Variants in THSD7A observed in about 807,000 individuals in gnomAD.
The protein encoded by THSD7A is thrombospondin type-1 domain-containing protein 7A.
In THSD7A, 96 loss-of-function variants were observed where a neutral mutation model predicts 231.3. The ratio of observed to expected loss-of-function variants is 0.41; its 90% CI spans 0.35 to 0.49. The LOEUF (loss-of-function observed/expected upper bound fraction) is 0.49. THSD7A is among the 20% of genes least tolerant of loss of function. The pLI, the probability that THSD7A is intolerant of heterozygous loss-of-function variation, is 0.05. For synonymous variants in THSD7A, 940 were observed against 743.3 expected (o/e 1.26, Z -4.30); for missense variants, 2,290 against 2,070.2 (o/e 1.11, Z -2.06).
chr7:11,397,633 G>A (rs1278478332), intron 23 of THSD7A, among the ~76,000 whole-genome samples: 5 of 152,152 alleles, frequency 3.3e-5, no homozygotes, highest in Non-Finnish European at 7.3e-5. Context: ...TGCTGATTGG[G>A]AGAAAAATTT....
At chr7:11,548,426 T>C (rs950255203) in intron 4 of THSD7A, among the ~76,000 whole-genome samples, 9 of 152,018 alleles carry the variant, frequency 5.9e-5, no homozygotes, top group South Asian at 2.1e-4. Context: ...AATTCTACCA[T>C]ATATATATAA....
rs1784615536 is a variant in THSD7A at position 11,814,246 on chromosome 7, T to G, written c.190+17511A>C. Among the ~76,000 whole-genome samples the G allele has an allele frequency of 6.6e-6, 1 of 152,170 alleles. No individual in the cohort carries two copies. Among genetic ancestry groups the G allele is most frequent in the African/African-American group, 2.4e-5 (1 of 41,460 alleles). ...GGATATGCTAAAAGCCATTGAATTGTATGCTTTAAATGGGTGATTGCATGC... is the reference window on the plus strand; with the variant it reads ...GGATATGCTAAAAGCCATTGAATTGGATGCTTTAAATGGGTGATTGCATGC... On this transcript the variant is annotated intron_variant, in intron 1 of 27. Transcript: ENST00000423059. The surrounding 1 kb of genome is among the most constrained non-coding windows in gnomAD (Gnocchi z 5.1).
intron 1 of THSD7A, among the ~76,000 whole-genome samples, chr7:11,770,267 T>G (rs750560069): frequency 6.6e-6 from 1 of 152,118 alleles, no homozygotes; most frequent in African/African-American, 2.4e-5. Context: ...TAAATAATGT[T>G]GCACTCAGAA....
chr7:11,490,104 G>A (rs1382161070), intron 6 of THSD7A, among the ~76,000 whole-genome samples: 1 of 151,840 alleles, frequency 6.6e-6, no homozygotes, highest in African/African-American at 2.4e-5. Flanking sequence ...TTTCCTTCAT[G>A]ACCCTAGCAA....
At chr7:11,471,541 A>G (rs78871475) in intron 8 of THSD7A, among the ~76,000 whole-genome samples, 4,363 of 152,060 alleles carry the variant, frequency 0.029, 129 homozygotes, top group East Asian at 0.16. Context: ...GCTTTATTCA[A>G]TTATATAGAT....
chr7:11,706,651 T>TTTTTTTTTTTTTTTTTTTTTG (rs1780779110), intron 1 of THSD7A, among the ~76,000 whole-genome samples: 1 of 146,140 alleles, frequency 6.8e-6, no homozygotes, highest in Non-Finnish European at 1.5e-5. Context: ...TTTTTTTTTT[T>TTTTTTTTTTTTTTTTTTTTTG]TTTTAGAAAT....
chr7:11,665,731 A>T (rs1481302656), intron 1 of THSD7A, among the ~76,000 whole-genome samples: 1 of 152,144 alleles, frequency 6.6e-6, no homozygotes, highest in Non-Finnish European at 1.5e-5. Flanking sequence ...TTTTAGCTGC[A>T]AAAACAGATC....
At chr7:11,704,634 T>C (rs1435652999) in intron 1 of THSD7A, among the ~76,000 whole-genome samples, 1 of 150,956 alleles carries the variant, frequency 6.6e-6, no homozygotes, top group East Asian at 2.0e-4. Flanking sequence ...TTTCTATTGA[T>C]CTTATTCATC....
chr7:11,732,404 G>A (rs1280929711), intron 1 of THSD7A, among the ~76,000 whole-genome samples: 2 of 151,882 alleles, frequency 1.3e-5, no homozygotes, highest in Non-Finnish European at 2.9e-5. Context: ...ATAGTGCAAA[G>A]TGAGTGAAAT....
In THSD7A at chr7:11,429,132, AG is replaced by A; in HGVS notation, c.3065-8del. On this transcript the variant is annotated splice_polypyrimidine_tract_variant and splice_region_variant and intron_variant, in intron 13 of 27. Transcript: ENST00000423059. The stretch of plus-strand genomic sequence containing the variant: ...CAGGCCTCCTCAATGTAACCTGAGT[AG>A]AGGAAAATGAGACAAGAATCATCTC... 6.4e-7 allele frequency: 1 copy of A among 1,557,916 alleles called. No individual in the cohort carries two copies. Among genetic ancestry groups the A allele is most frequent in the South Asian group, 1.2e-5 (1 of 82,092 alleles).
chr7:11,803,951 C>T (rs1784340142), intron 1 of THSD7A, among the ~76,000 whole-genome samples: 1 of 151,952 alleles, frequency 6.6e-6, no homozygotes, highest in Admixed American at 6.6e-5. Flanking sequence ...TAGTTATGTA[C>T]TGAAAGATGA....
intron 4 of THSD7A, among the ~76,000 whole-genome samples, chr7:11,557,043 T>C (rs1164067601): frequency 2.1e-5 from 3 of 146,152 alleles, no homozygotes; most frequent in Non-Finnish European, 4.4e-5. Flanking sequence ...TCTGAATACA[T>C]TTTTTTTCTT....
At chr7:11,777,290 G>C (rs1783439205) in intron 1 of THSD7A, among the ~76,000 whole-genome samples, 1 of 151,968 alleles carries the variant, frequency 6.6e-6, no homozygotes, top group South Asian at 2.1e-4. Flanking sequence ...TCAATAAAGA[G>C]ATAATGCTCA....
At chr7:11,665,242 G>A (rs1206674531) in intron 1 of THSD7A, among the ~76,000 whole-genome samples, 2 of 152,050 alleles carry the variant, frequency 1.3e-5, no homozygotes. Flanking sequence ...ATTATGCTAT[G>A]ACGCCAAAGG....
intron 2 of THSD7A, among the ~76,000 whole-genome samples, chr7:11,602,317 T>C (rs1178021220): frequency 6.6e-6 from 1 of 152,134 alleles, no homozygotes; most frequent in African/African-American, 2.4e-5. Context: ...TGTATGTGTA[T>C]ATATGTAGTT....
chr7:11,399,921 T>A (rs908449695), intron 23 of THSD7A, among the ~76,000 whole-genome samples: 3 of 152,006 alleles, frequency 2.0e-5, no homozygotes, highest in African/African-American at 7.2e-5. Context: ...CAAATGTCCA[T>A]CAATGATAGA....
intron 13 of THSD7A, among the ~76,000 whole-genome samples, chr7:11,441,955 C>A (rs1784819831): frequency 6.6e-6 from 1 of 151,928 alleles, no homozygotes; most frequent in Non-Finnish European, 1.5e-5. Flanking sequence ...AGGTTCTGCA[C>A]ATGTTTCCCA....
intron 1 of THSD7A, among the ~76,000 whole-genome samples, chr7:11,748,195 T>G (rs1782373912): frequency 6.6e-6 from 1 of 151,670 alleles, no homozygotes; most frequent in African/African-American, 2.4e-5. Flanking sequence ...TGGAGATGGG[T>G]GGGTCATTTG....
At chr7:11,489,435 T>C (rs867973834) in intron 6 of THSD7A, among the ~76,000 whole-genome samples, 3 of 152,098 alleles carry the variant, frequency 2.0e-5, no homozygotes, top group Non-Finnish European at 2.9e-5. Flanking sequence ...CCCTTTGTAA[T>C]GTATGTAAAT....
Sources: gnomAD v4.1 joint callset for allele counts (sites outside exome capture counted in the v4.1 genomes callset) on GRCh38, gnomAD v4.1.1 for gene constraint, Gnocchi (gnomAD v3.1) non-coding constraint, MANE v1.5 for transcripts, NCBI Gene and HGNC (gene_info 2026-07-23, HGNC 2026-07-21) for gene names.